Variants in CNOT1 observed in about 807,000 individuals in gnomAD.
CNOT1 encodes the protein CCR4-associated factor 1.
CNOT1 carries 15 observed loss-of-function variants against 273.8 expected under a neutral mutation model. That is an observed-to-expected ratio of 0.05 (90% CI 0.04 to 0.08). The LOEUF (loss-of-function observed/expected upper bound fraction) is 0.08, where lower values mean the gene tolerates loss of function less well. CNOT1 is among the 10% of genes least tolerant of loss of function. CNOT1 has a pLI of 1.00. For synonymous variants in CNOT1, 1,022 were observed against 1,005.5 expected (o/e 1.02, Z -0.31); for missense variants, 1,644 against 2,912.2 (o/e 0.56, Z 10.02).
chr16:58,562,534 G>C (rs972926713), intron 16 of CNOT1, among the ~76,000 whole-genome samples: 1 of 148,934 alleles, frequency 6.7e-6, no homozygotes, highest in Non-Finnish European at 1.5e-5. Flanking sequence ...AAAAAGCGGC[G>C]GGGGGGCGGC....
Position 58,525,321 on chromosome 16 carries a change from G to T in CNOT1, c.6642C>A (p.Leu2214=), listed in dbSNP as rs892058801. 1 of 1,613,806 alleles carries T rather than the reference G, an allele frequency of 6.2e-7. No individual in the cohort carries two copies. The change falls in exon 46 of 49, where the codon CTC becomes CTA. Residue 2214 remains leucine (L), a synonymous_variant. Coordinates refer to ENST00000317147, the MANE Select transcript of CNOT1 (RefSeq NM_016284.5). ...CGACATAGAGCACCAGTGCATTGAT[G>T]AGCTGGAGGTTGTAGCGATTCCCAG... ...NEPGNRYNLQ[L]INALVLYVGT... is the part of the protein sequence containing the mutation.
chr16:58,525,172 C>T lies in CNOT1; in HGVS notation c.6784+7G>A, dbSNP rs1402813922. ...CTCTACTCTGAAAACTGGCAGGCTT[C>T]ACTCACCCTCAGTGTCCAAGTCCAC... On this transcript the variant is annotated splice_region_variant and intron_variant, in intron 46 of 48. Coordinates refer to ENST00000317147, the MANE Select transcript of CNOT1 (RefSeq NM_016284.5). 10 of 1,612,488 alleles carry T rather than the reference C, an allele frequency of 6.2e-6. No individual in the cohort carries two copies. Among genetic ancestry groups the T allele is most frequent in the East Asian group, 2.2e-5 (1 of 44,886 alleles).
intron 21 of CNOT1, 90 bp from the exon 22 acceptor site, chr16:58,553,950 T>C: frequency 7.0e-7 from 1 of 1,427,676 alleles, no homozygotes; most frequent in Non-Finnish European, 9.2e-7. Context: ...TCTAGGTCAT[T>C]TTTTTCCATC....
At chr16:58,561,616 G>C (rs1473330817) in intron 16 of CNOT1, among the ~76,000 whole-genome samples, 1 of 152,084 alleles carries the variant, frequency 6.6e-6, no homozygotes, top group African/African-American at 2.4e-5. Context: ...TACAGGTTGA[G>C]CATCCCAAAT....
intron 40 of CNOT1, 24 bp downstream of exon 40, chr16:58,534,123 C>T: frequency 6.2e-7 from 1 of 1,610,016 alleles, no homozygotes; most frequent in Non-Finnish European, 8.5e-7. Context: ...TAGACCAAGA[C>T]TAAGGCAAGA....
rs77874821 is a variant in CNOT1 at position 58,551,685 on chromosome 16, T to C, written c.3105A>G (p.Gln1035=). The change falls in exon 23 of 49, where the codon CAA becomes CAG. Residue 1035 remains glutamine, a synonymous_variant. Coordinates refer to ENST00000317147, the MANE Select transcript of CNOT1 (RefSeq NM_016284.5). ...TTGAGGTGGTTACCATAGTGCTAAC[T>C]TGACCAGCAAGAGGAGCTTTTGCTG... is the stretch of plus-strand genomic sequence containing the variant. ...QVPAKAPLAG[Q]VSTMVTTSTT... The C allele has an allele frequency of 2.2e-5, 35 of 1,614,088 alleles. No individual in the cohort carries two copies. Among genetic ancestry groups the C allele is most frequent in the African/African-American group, 5.3e-5 (4 of 74,922 alleles).
intron 16 of CNOT1, among the ~76,000 whole-genome samples, chr16:58,568,228 C>A (rs13333252): frequency 0.023 from 3,493 of 152,008 alleles, 120 homozygotes; most frequent in African/African-American, 0.079. Context: ...ATTAGCTGGG[C>A]GTAATGGTGC....
chr16:58,527,308 G>A (rs2039626390), intron 44 of CNOT1, among the ~76,000 whole-genome samples: 1 of 152,038 alleles, frequency 6.6e-6, no homozygotes, highest in Admixed American at 6.6e-5. Flanking sequence ...CAGATCGTGA[G>A]GTCAGGAGTT....
At position 58,546,707 on chromosome 16, in the gene CNOT1, C is replaced by T; in HGVS notation, c.3793G>A (p.Val1265Ile). Reference sequence around the variant, plus strand: ...TGCTCCTGATGTAGCTCAGCTAATACATTCATAATTGCCATTGTCCAAGGG... The same window carrying T: ...TGCTCCTGATGTAGCTCAGCTAATATATTCATAATTGCCATTGTCCAAGGG... ...PNPWTMAIMNVLAELHQEHDL... is the reference protein window; with the variant it reads ...PNPWTMAIMNILAELHQEHDL... Residue 1265 changes from valine to isoleucine, a missense_variant, in exon 28 of 49, where the codon GTA becomes ATA. This residue lies in a region of CNOT1 where 124 missense variants were observed against 289.3 expected (regional missense o/e 0.43). Coordinates refer to ENST00000317147, the MANE Select transcript of CNOT1 (RefSeq NM_016284.5). 2 of 1,613,918 alleles carry T rather than the reference C, an allele frequency of 1.2e-6. No homozygotes were observed. The highest frequency in any genetic ancestry group is 1.7e-6 in the Non-Finnish European group (2 of 1,179,920).
chr16:58,578,979 C>T (rs150131347), intron 12 of CNOT1, 40 bp from the exon 13 acceptor site: 1 of 1,598,926 alleles, frequency 6.3e-7, no homozygotes, highest in Non-Finnish European at 8.5e-7. Context: ...CAATGAAAAT[C>T]CAAGTATACA....
At chr16:58,604,356 C>A (rs2042585227) in intron 1 of CNOT1, among the ~76,000 whole-genome samples, 1 of 152,104 alleles carries the variant, frequency 6.6e-6, no homozygotes, top group African/African-American at 2.4e-5. Flanking sequence ...CCAAGATATT[C>A]ATTCACTATA....
Position 58,551,830 on chromosome 16 carries a change from A to G in CNOT1, c.2971-11T>C. On this transcript the variant is annotated splice_polypyrimidine_tract_variant and intron_variant, in intron 22 of 48. Coordinates refer to ENST00000317147, the MANE Select transcript of CNOT1 (RefSeq NM_016284.5). ...TCCATACTCAATATACTAAAAGGGT[A>G]GGGAGAGGAAAAAGAGTTAACCTTA... The G allele has an allele frequency of 6.2e-7, 1 of 1,612,918 alleles. No homozygotes were observed. Among genetic ancestry groups the G allele is most frequent in the Non-Finnish European group, 8.5e-7 (1 of 1,179,032 alleles).
At chr16:58,627,009 T>C (rs915376112) in intron 1 of CNOT1, among the ~76,000 whole-genome samples, 1 of 152,088 alleles carries the variant, frequency 6.6e-6, no homozygotes, top group Admixed American at 6.6e-5. Flanking sequence ...AGCACTCAAT[T>C]AGAATTATTG....
chr16:58,537,317 G>C (rs1304560388), intron 38 of CNOT1, 97 bp from the exon 39 acceptor site: 7 of 1,476,880 alleles, frequency 4.7e-6, no homozygotes, highest in Non-Finnish European at 6.3e-6. Context: ...GCAACCACCA[G>C]AGTGGTTTAC....
At chr16:58,576,423 T>A (rs1331098966) in intron 14 of CNOT1, 40 bp downstream of exon 14, 1 of 1,612,216 alleles carries the variant, frequency 6.2e-7, no homozygotes, top group African/African-American at 1.3e-5. Context: ...TTTTTCTCAT[T>A]AGTAAATAAA....
intron 39 of CNOT1, among the ~76,000 whole-genome samples, chr16:58,536,236 C>A (rs1470834820): frequency 6.6e-6 from 1 of 152,008 alleles, no homozygotes; most frequent in East Asian, 1.9e-4. Flanking sequence ...TACAACAGTT[C>A]TAATAAAGGA....
intron 29 of CNOT1, among the ~76,000 whole-genome samples, chr16:58,545,750 TGTCAG>T (rs1394944753): frequency 6.6e-6 from 1 of 152,186 alleles, no homozygotes; most frequent in Non-Finnish European, 1.5e-5. Flanking sequence ...CATGCCATAT[TGTCAG>T]GCCCAAGTCC....
At chr16:58,544,194 C>T (rs1378422870) in intron 30 of CNOT1, among the ~76,000 whole-genome samples, 1 of 152,050 alleles carries the variant, frequency 6.6e-6, no homozygotes, top group East Asian at 1.9e-4. Context: ...ACACTGCTGG[C>T]TTATTTAAAA....
At chr16:58,620,839 G>A (rs577376689) in intron 1 of CNOT1, among the ~76,000 whole-genome samples, 2 of 152,144 alleles carry the variant, frequency 1.3e-5, no homozygotes, top group African/African-American at 4.8e-5. Context: ...AATGATTTAA[G>A]TGGCATTTTG....
Sources: allele counts gnomAD v4.1 joint callset (sites outside exome capture counted in the v4.1 genomes callset), GRCh38; gene constraint gnomAD v4.1.1; regional missense constraint gnomAD v4.1.1; transcripts MANE v1.5; gene names NCBI Gene and HGNC (gene_info 2026-07-23, HGNC 2026-07-21).